The following RIPOR2 variants were observed in gnomAD, a reference collection of about 807,000 sequenced individuals.
RIPOR2 encodes rho family-interacting cell polarization regulator 2.
RIPOR2 carries 39 observed loss-of-function variants against 114.5 expected under a neutral mutation model. The observed-to-expected ratio is 0.34, with a 90% confidence interval of 0.26 to 0.44. The LOEUF is 0.44. Ranked by LOEUF, RIPOR2 falls within the 20% of genes least tolerant of loss-of-function variation. RIPOR2 has a pLI of 1.00. For synonymous variants in RIPOR2, 445 were observed against 484.4 expected, an observed-to-expected ratio of 0.92 and a Z score of 1.07; for missense variants, 1,007 against 1,255.1, an observed-to-expected ratio of 0.80 and a Z score of 2.99.
intron 1 of RIPOR2, among the ~76,000 whole-genome samples, chr6:24,922,160 A>C (rs1770545223): frequency 6.6e-6 from 1 of 152,186 alleles, no homozygotes; most frequent in Non-Finnish European, 1.5e-5. Flanking sequence ...ATAATAAAAA[A>C]AACCTTATTT....
At chr6:25,031,699 TTATATATATATATATATATATATATATA>T (rs58886088) in intron 1 of RIPOR2, among the ~76,000 whole-genome samples, 2,210 of 35,506 alleles carry the variant, frequency 0.062, 78 homozygotes, top group Non-Finnish European at 0.1. Flanking sequence ...TAGGTGGTAG[TTATATATATATATATATATATATATATA>T]TATATATATA....
chr6:24,976,970 C>T, intron 1 of RIPOR2: 2 of 1,546,744 alleles, frequency 1.3e-6, no homozygotes, highest in African/African-American at 1.4e-5. Flanking sequence ...TGACTGTGGA[C>T]AACTCGAATA....
intron 1 of RIPOR2, among the ~76,000 whole-genome samples, chr6:24,987,709 C>T (rs564065262): frequency 6.6e-6 from 1 of 152,270 alleles, no homozygotes; most frequent in East Asian, 1.9e-4. Flanking sequence ...CTGATTGTGT[C>T]CCTATGTATA....
chr6:24,810,292 T>G (rs62401976), intron 20 of RIPOR2, among the ~76,000 whole-genome samples: 1 of 152,066 alleles, frequency 6.6e-6, no homozygotes, highest in East Asian at 1.9e-4. Flanking sequence ...ATCAGCTAAA[T>G]TCCTCATTCC....
At chr6:24,994,765 C>T (rs1554129249) in intron 1 of RIPOR2, among the ~76,000 whole-genome samples, 1 of 152,102 alleles carries the variant, frequency 6.6e-6, no homozygotes, top group Non-Finnish European at 1.5e-5. Flanking sequence ...ATGAAACTTG[C>T]ATACCAGAAT....
intron 1 of RIPOR2, among the ~76,000 whole-genome samples, chr6:25,000,596 A>T (rs1478896316): frequency 6.6e-6 from 1 of 151,430 alleles, no homozygotes; most frequent in Non-Finnish European, 1.5e-5. Flanking sequence ...TACATTGTTC[A>T]TGTTTTACAT....
chr6:24,842,499 C>A (rs756741115), intron 13 of RIPOR2, among the ~76,000 whole-genome samples: 6 of 152,198 alleles, frequency 3.9e-5, no homozygotes, highest in Non-Finnish European at 8.8e-5. Flanking sequence ...AGGCAAAGGG[C>A]TCCCTGCTTT....
At chr6:24,827,873 TA>T (rs1760325714) in intron 18 of RIPOR2, among the ~76,000 whole-genome samples, 2 of 152,232 alleles carry the variant, frequency 1.3e-5, no homozygotes, top group Admixed American at 1.3e-4. Context: ...GGAAATAAAT[TA>T]CAGTGAAAGC....
intron 1 of RIPOR2, among the ~76,000 whole-genome samples, chr6:24,889,336 A>G (rs1767110597): frequency 6.6e-6 from 1 of 152,218 alleles, no homozygotes; most frequent in Non-Finnish European, 1.5e-5. Context: ...TTTTTGAATA[A>G]GAAATTCACC....
intron 1 of RIPOR2, among the ~76,000 whole-genome samples, chr6:25,019,191 T>C (rs950246598): frequency 7.2e-5 from 11 of 152,232 alleles, no homozygotes; most frequent in African/African-American, 2.7e-4. Context: ...AGCATTATTC[T>C]TGTTGATGCC....
chr6:24,807,468 T>C (rs1362337645), intron 21 of RIPOR2, among the ~76,000 whole-genome samples: 2 of 152,196 alleles, frequency 1.3e-5, no homozygotes, highest in Non-Finnish European at 2.9e-5. Flanking sequence ...AGAGACTCCA[T>C]GTTTAAGGTA....
At chr6:24,821,122 C>A (rs1380885710) in intron 19 of RIPOR2, among the ~76,000 whole-genome samples, 3 of 151,604 alleles carry the variant, frequency 2.0e-5, no homozygotes, top group Non-Finnish European at 1.5e-5. Flanking sequence ...ATCTGCCCTC[C>A]TCAGCCTCCC....
chr6:24,988,669 T>TTG (rs10683468), intron 1 of RIPOR2, among the ~76,000 whole-genome samples: 83,836 of 150,480 alleles, frequency 0.56, 23,428 homozygotes, highest in East Asian at 0.78. Flanking sequence ...CAACATCTGG[T>TTG]TGTGTGTGTG....
intron 1 of RIPOR2, among the ~76,000 whole-genome samples, chr6:25,029,132 C>CA (rs897103436): frequency 6.6e-6 from 1 of 151,994 alleles, no homozygotes; most frequent in African/African-American, 2.4e-5. Context: ...ACTAAAAACA[C>CA]AAAAAATTAG....
In RIPOR2 at chr6:24,881,265, C is replaced by T. The variant is rs114112805; in HGVS notation, c.62-5448G>A. On this transcript the variant is annotated intron_variant, in intron 1 of 21. Coordinates refer to ENST00000643898, the MANE Select transcript of RIPOR2 (RefSeq NM_001286445.3). ...ATGTTTCCAGTCTCTAAGTTATTGA[C>T]GTCTCACCTGGTCTTTTGGAAAATT... Among the ~76,000 whole-genome samples the T allele has an allele frequency of 2.3e-3, 349 of 152,256 alleles. 3 individuals are homozygous for T. The highest frequency in any genetic ancestry group is 3.6e-3 in the Non-Finnish European group (243 of 68,020).
intron 16 of RIPOR2, among the ~76,000 whole-genome samples, chr6:24,832,015 G>T (rs898021889): frequency 1.3e-5 from 2 of 152,156 alleles, no homozygotes; most frequent in Non-Finnish European, 2.9e-5. Flanking sequence ...TGCTGTTTTT[G>T]TTTCTGGGTC....
At chr6:24,988,677 G>GTC (rs1203402904) in intron 1 of RIPOR2, among the ~76,000 whole-genome samples, 1 of 151,946 alleles carries the variant, frequency 6.6e-6, no homozygotes, top group Non-Finnish European at 1.5e-5. Flanking sequence ...GGTTGTGTGT[G>GTC]TGTGTGTGTG....
intron 8 of RIPOR2, among the ~76,000 whole-genome samples, chr6:24,853,709 A>T (rs1485831348): frequency 6.6e-6 from 1 of 152,250 alleles, no homozygotes. Context: ...AATGGACGGC[A>T]TCTAACACAT....
intron 7 of RIPOR2, among the ~76,000 whole-genome samples, chr6:24,864,131 C>T (rs892444661): frequency 2.6e-5 from 4 of 152,088 alleles, no homozygotes; most frequent in Non-Finnish European, 4.4e-5. Context: ...TAGTAAAACT[C>T]CGTCTCTACT....
Sources: gnomAD v4.1 joint callset for allele counts (sites outside exome capture counted in the v4.1 genomes callset) on GRCh38, gnomAD v4.1.1 for gene constraint, MANE v1.5 for transcripts, NCBI Gene and HGNC (gene_info 2026-07-23, HGNC 2026-07-21) for gene names.